KAZN: variants seen among roughly 807,000 people sequenced by gnomAD.
The protein encoded by KAZN is kazrin, periplakin interacting protein.
Under a neutral mutation model 87.4 loss-of-function variants are expected in KAZN, and 40 were observed. The ratio of observed to expected loss-of-function variants is 0.46; its 90% CI spans 0.36 to 0.60. The LOEUF (loss-of-function observed/expected upper bound fraction) is 0.60, where lower values mean the gene tolerates loss of function less well. KAZN is among the 20% of genes least tolerant of loss of function. The pLI, the probability that KAZN is intolerant of heterozygous loss-of-function variation, is 0.00. For missense variants in KAZN, 898 were observed against 1,073.9 expected, an observed-to-expected ratio of 0.84 and a Z score of 2.29; for synonymous variants, 466 against 458.3, an observed-to-expected ratio of 1.02 and a Z score of -0.22.
chr1:14,168,138 A>G (rs1645872685), intron 1 of KAZN, among the ~76,000 whole-genome samples: 1 of 152,178 alleles, frequency 6.6e-6, no homozygotes, highest in African/African-American at 2.4e-5. Context: ...ACGACATTCA[A>G]ATGAAAATTC....
chr1:14,919,031 C>G (rs1218853378), intron 1 of KAZN, among the ~76,000 whole-genome samples: 1 of 152,042 alleles, frequency 6.6e-6, no homozygotes, highest in African/African-American at 2.4e-5. Flanking sequence ...GCGACACACA[C>G]ACAAAACATA....
At chr1:14,767,036 G>C (rs1306755793) in intron 1 of KAZN, among the ~76,000 whole-genome samples, 5 of 152,116 alleles carry the variant, frequency 3.3e-5, no homozygotes, top group African/African-American at 9.7e-5. Context: ...TCTCTGCCCT[G>C]GTGCTGAATC....
chr1:14,115,827 G>A (rs768003830), intron 1 of KAZN, among the ~76,000 whole-genome samples: 47 of 152,232 alleles, frequency 3.1e-4, no homozygotes, highest in Non-Finnish European at 5.0e-4. Flanking sequence ...ATAGCGATAC[G>A]GACAATAAAG....
chr1:15,091,486 A>C (rs895680739), intron 8 of KAZN, among the ~76,000 whole-genome samples: 1 of 152,188 alleles, frequency 6.6e-6, no homozygotes, highest in Non-Finnish European at 1.5e-5. Flanking sequence ...CTGGGACTAC[A>C]GGCGTGTGCT....
chr1:14,072,031 C>T (rs921352038), intron 1 of KAZN, among the ~76,000 whole-genome samples: 1 of 152,146 alleles, frequency 6.6e-6, no homozygotes, highest in Non-Finnish European at 1.5e-5. Context: ...ACCATCTGGA[C>T]TGAAATACTA....
In KAZN at chr1:14,691,329, C is replaced by G. The variant is rs1168158296; in HGVS notation, c.226+92106C>G. Among the ~76,000 whole-genome samples, 3 of 152,166 alleles carry G rather than the reference C, an allele frequency of 2.0e-5. No individual in the cohort carries two copies. In the East Asian group the frequency reaches 5.8e-4, roughly 29 times the overall value. ...AAGCAGTATGTACACTATGATTCCA[C>G]ACATGTACACACATGCACACAAACT... On this transcript the variant is annotated intron_variant, in intron 1 of 14. Transcript: ENST00000376030.
intron 2 of KAZN, among the ~76,000 whole-genome samples, chr1:14,441,281 A>ATT (rs1666689133): frequency 5.8e-5 from 8 of 138,830 alleles, no homozygotes; most frequent in Admixed American, 5.6e-4. Flanking sequence ...ATATATATAT[A>ATT]TTTTAAACCC....
chr1:13,893,603 GCT>G, exon 1 of KAZN: 1 of 1,533,548 alleles, frequency 6.5e-7, no homozygotes, highest in East Asian at 2.5e-5. Context: ...GGCATCCTTT[GCT>G]CTGACACTCC....
At chr1:13,933,503 T>C (rs1365069454) in intron 1 of KAZN, among the ~76,000 whole-genome samples, 1 of 152,130 alleles carries the variant, frequency 6.6e-6, no homozygotes, top group Admixed American at 6.5e-5. Context: ...CCCCAAAAAA[T>C]ATTAATCAAG....
intron 1 of KAZN, among the ~76,000 whole-genome samples, chr1:14,109,820 A>ACTCTGTC (rs1358568092): frequency 1.8e-4 from 15 of 82,664 alleles, no homozygotes; most frequent in South Asian, 4.1e-4. Context: ...AAACGATTTC[A>ACTCTGTC]GCGTCAAGTA....
chr1:13,996,791 T>C (rs1639539096), intron 1 of KAZN, among the ~76,000 whole-genome samples: 3 of 152,228 alleles, frequency 2.0e-5, no homozygotes, highest in Non-Finnish European at 2.9e-5. Context: ...CTGAGGAATC[T>C]GGGCAGCCCG....
intron 1 of KAZN, among the ~76,000 whole-genome samples, chr1:13,947,965 G>T (rs1443134919): frequency 6.6e-6 from 1 of 152,162 alleles, no homozygotes; most frequent in Non-Finnish European, 1.5e-5. Context: ...AATTTCTGGG[G>T]TTAGGATGTC....
At chr1:14,297,507 A>G (rs758791093) in intron 2 of KAZN, among the ~76,000 whole-genome samples, 7 of 152,040 alleles carry the variant, frequency 4.6e-5, no homozygotes, top group Non-Finnish European at 4.4e-5. Flanking sequence ...GATTTGGGAG[A>G]GCCAGCTGCA....
intron 2 of KAZN, among the ~76,000 whole-genome samples, chr1:14,333,241 A>G (rs149273528): frequency 6.6e-6 from 1 of 152,308 alleles, no homozygotes; most frequent in African/African-American, 2.4e-5. Context: ...GCTGCACAGT[A>G]TTCCATGGTG....
intron 2 of KAZN, among the ~76,000 whole-genome samples, chr1:14,197,387 TA>T (rs35290614): frequency 0.051 from 5,212 of 102,230 alleles, 164 homozygotes; most frequent in African/African-American, 0.11. Flanking sequence ...AAGTAAATGT[TA>T]AAAAAAAAAA....
intron 2 of KAZN, among the ~76,000 whole-genome samples, chr1:14,262,395 CGTAATTGCCAAAGCT>C (rs1424312752): frequency 6.6e-6 from 1 of 152,126 alleles, no homozygotes; most frequent in Non-Finnish European, 1.5e-5. Context: ...TTTTAAAAGC[CGTAATTGCCAAAGCT>C]GTAATTGCCA....
At chr1:14,557,638 GTGTGT>G (rs1557799111) in intron 2 of KAZN, among the ~76,000 whole-genome samples, 2 of 135,246 alleles carry the variant, frequency 1.5e-5, no homozygotes, top group African/African-American at 5.8e-5. Flanking sequence ...GGGTGTGTGT[GTGTGT>G]GTGTGTGTGT....
chr1:14,618,018 A>C (rs1310583144), intron 1 of KAZN, among the ~76,000 whole-genome samples: 1 of 152,210 alleles, frequency 6.6e-6, no homozygotes, highest in East Asian at 1.9e-4. Flanking sequence ...TGACTTGCTG[A>C]CAGACCCTCA....
At chr1:14,525,982 A>G (rs955410626) in intron 2 of KAZN, among the ~76,000 whole-genome samples, 3 of 152,198 alleles carry the variant, frequency 2.0e-5, no homozygotes, top group African/African-American at 7.2e-5. Context: ...CTCATAAATT[A>G]GGGGGATGAT....
Sources: gnomAD v4.1 joint callset for allele counts (sites outside exome capture counted in the v4.1 genomes callset) on GRCh38, gnomAD v4.1.1 for gene constraint, MANE v1.5 for transcripts, NCBI Gene and HGNC (gene_info 2026-07-23, HGNC 2026-07-21) for gene names.